LINGO2: variants seen among roughly 807,000 people sequenced by gnomAD.
LINGO2 encodes leucine-rich repeat and immunoglobulin-like domain-containing nogo receptor-interacting protein 2.
Under a neutral mutation model 30.6 loss-of-function variants are expected in LINGO2, and 14 were observed. The observed-to-expected ratio is 0.46, with a 90% CI of 0.30 to 0.72. LINGO2 has a LOEUF of 0.72. Among genes scored for constraint, LINGO2 ranks in the 30% least tolerant of loss-of-function variants. The pLI is 0.07. For synonymous variants in LINGO2, 317 were observed against 288.5 expected (o/e 1.10, Z -1.00); for missense variants, 729 against 751.7 (o/e 0.97, Z 0.35).
the LINGO2 span, among the ~76,000 whole-genome samples, chr9:28,726,391 C>A: frequency 6.6e-6 from 1 of 152,040 alleles, no homozygotes; most frequent in African/African-American, 2.4e-5. Context: ...TTTCTGACCA[C>A]AATGGGATAA....
intron 5 of LINGO2, among the ~76,000 whole-genome samples, chr9:27,975,159 G>C (rs185712791): frequency 3.3e-4 from 50 of 152,238 alleles, no homozygotes; most frequent in African/African-American, 1.2e-3. Context: ...AGGGATGAGA[G>C]ATAAATTCTG....
Position 28,413,926 on chromosome 9 carries a change from T to C in LINGO2, c.-278-41058A>G, listed in dbSNP as rs1473562916. Among the ~76,000 whole-genome samples, 5 of 152,028 alleles carry C rather than the reference T, an allele frequency of 3.3e-5. No homozygotes were observed. The East Asian group carries it at 9.6e-4, about 29-fold the overall frequency. Reference sequence around the variant, plus strand: ...GTAAAAATATAAGCAGTATTAATATTATTAAATCAATTAGTATTAATTTAT... The same window carrying C: ...GTAAAAATATAAGCAGTATTAATATCATTAAATCAATTAGTATTAATTTAT... On this transcript the variant is annotated intron_variant, in intron 2 of 5. Transcript: ENST00000379992.
rs118129318 is a variant in LINGO2 at position 28,437,187 on chromosome 9, C to A, written c.-279+38753G>T. 9.8e-4 allele frequency among the ~76,000 whole-genome samples: 149 copies of A among 152,226 alleles called. 1 individual carries two copies. In the East Asian group the frequency reaches 0.012, roughly 13 times the overall value. ...AGTGGTCACGATCCTGGGCTGGGGC[C>A]CAGATAAGACAAAAAGGCAGAGGAA... On this transcript the variant is annotated intron_variant, in intron 2 of 5. Coordinates refer to ENST00000379992, the Ensembl canonical transcript of LINGO2.
intron 4 of LINGO2, among the ~76,000 whole-genome samples, chr9:28,136,217 T>C (rs545528569): frequency 2.7e-4 from 41 of 152,300 alleles, no homozygotes; most frequent in African/African-American, 9.9e-4. Flanking sequence ...CTAATGGTGG[T>C]AGTGGTGGTG....
intron 3 of LINGO2, among the ~76,000 whole-genome samples, chr9:28,339,860 C>T: frequency 6.6e-6 from 1 of 152,100 alleles, no homozygotes; most frequent in Non-Finnish European, 1.5e-5. Context: ...TTCTGGACAA[C>T]TCTGTTGATT....
At chr9:28,051,787 T>C (rs1482947772) in intron 4 of LINGO2, among the ~76,000 whole-genome samples, 1 of 151,990 alleles carries the variant, frequency 6.6e-6, no homozygotes, top group East Asian at 1.9e-4. Context: ...TAAGTTGATA[T>C]AAACAGATTT....
At chr9:28,794,308 C>A in the LINGO2 span, among the ~76,000 whole-genome samples, 1 of 151,986 alleles carries the variant, frequency 6.6e-6, no homozygotes. Context: ...CGTCTCAAAA[C>A]AAAACAAAAC....
At chr9:28,410,079 AAAAG>A (rs1396207093) in intron 2 of LINGO2, among the ~76,000 whole-genome samples, 3 of 151,454 alleles carry the variant, frequency 2.0e-5, no homozygotes, top group South Asian at 2.1e-4. Flanking sequence ...GAAGAACAAA[AAAAG>A]AAAGAAAAAG....
At chr9:28,499,364 T>A (rs1294641525) in intron 1 of LINGO2, among the ~76,000 whole-genome samples, 1 of 152,190 alleles carries the variant, frequency 6.6e-6, no homozygotes, top group African/African-American at 2.4e-5. Flanking sequence ...AGAATAGACC[T>A]GATAAAGTCT....
chr9:28,903,015 T>A, the LINGO2 span, among the ~76,000 whole-genome samples: 22 of 149,168 alleles, frequency 1.5e-4, no homozygotes, highest in Admixed American at 1.5e-3. Context: ...AGGGTAAAAA[T>A]AGTAAAGATC....
chr9:28,908,758 T>C, the LINGO2 span, among the ~76,000 whole-genome samples: 3,247 of 152,058 alleles, frequency 0.021, 100 homozygotes, highest in African/African-American at 0.073. Context: ...ACCTGTCAGT[T>C]ATTTTTATTT....
intron 4 of LINGO2, among the ~76,000 whole-genome samples, chr9:28,021,577 T>C (rs1353798796): frequency 6.6e-6 from 1 of 152,118 alleles, no homozygotes; most frequent in Non-Finnish European, 1.5e-5. Context: ...TACCAATTAT[T>C]GAAAGAGAGC....
chr9:28,991,462 C>A, the LINGO2 span, among the ~76,000 whole-genome samples: 7 of 147,906 alleles, frequency 4.7e-5, no homozygotes, highest in African/African-American at 7.4e-5. Context: ...TCCAGGAGAA[C>A]TTCCCCAATC....
chr9:28,389,518 A>G (rs185841306), intron 2 of LINGO2, among the ~76,000 whole-genome samples: 2 of 152,318 alleles, frequency 1.3e-5, no homozygotes, highest in African/African-American at 2.4e-5. Flanking sequence ...GTTGACAACC[A>G]TGCACAGAGG....
At chr9:28,232,865 A>C (rs1821407586) in intron 4 of LINGO2, among the ~76,000 whole-genome samples, 1 of 151,470 alleles carries the variant, frequency 6.6e-6, no homozygotes, top group South Asian at 2.1e-4. Context: ...TCTGGGGAAA[A>C]AAAAAGGCAT....
intron 4 of LINGO2, among the ~76,000 whole-genome samples, chr9:28,089,784 T>G (rs182692429): frequency 6.6e-6 from 1 of 152,294 alleles, no homozygotes; most frequent in African/African-American, 2.4e-5. Context: ...GGAGCTGGTT[T>G]TTTGAAAAGA....
At chr9:28,380,403 T>TTTTC (rs1554713845) in intron 2 of LINGO2, among the ~76,000 whole-genome samples, 1,908 of 150,444 alleles carry the variant, frequency 0.013, 13 homozygotes, top group Non-Finnish European at 0.015. Context: ...TTTTTTTTTT[T>TTTTC]CCAATGGTAA....
At chr9:28,002,494 G>A (rs1464380145) in intron 5 of LINGO2, among the ~76,000 whole-genome samples, 1 of 152,016 alleles carries the variant, frequency 6.6e-6, no homozygotes, top group Non-Finnish European at 1.5e-5. Context: ...TTTTCCATTT[G>A]TCCAGATTCC....
At chr9:28,091,350 C>T (rs1340883666) in intron 4 of LINGO2, among the ~76,000 whole-genome samples, 2 of 152,104 alleles carry the variant, frequency 1.3e-5, no homozygotes, top group African/African-American at 2.4e-5. Flanking sequence ...CAGCATGGTA[C>T]TGGTACCAAA....
Sources: allele counts gnomAD v4.1 joint callset (sites outside exome capture counted in the v4.1 genomes callset), GRCh38; gene constraint gnomAD v4.1.1; transcripts MANE v1.5; gene names NCBI Gene and HGNC (gene_info 2026-07-23, HGNC 2026-07-21).